Variants in SCAI observed in about 807,000 individuals in gnomAD.
The protein encoded by SCAI is suppressor of cancer cell invasion.
SCAI carries 24 observed loss-of-function variants against 92.2 expected under a neutral mutation model. That is an observed-to-expected ratio of 0.26 (90% confidence interval 0.19 to 0.37). SCAI has a LOEUF of 0.37. SCAI is among the 10% of genes least tolerant of loss of function. SCAI has a pLI of 1.00. For synonymous variants in SCAI, 261 were observed against 258.6 expected (o/e 1.01, Z -0.09); for missense variants, 450 against 736.2 (o/e 0.61, Z 4.50).
chr9:125,072,852 C>T (rs1324060257), intron 2 of SCAI, among the ~76,000 whole-genome samples: 2 of 152,162 alleles, frequency 1.3e-5, no homozygotes, highest in Non-Finnish European at 2.9e-5. Context: ...CATGGTGTAG[C>T]ATATATCAGT....
chr9:125,116,518 A>T (rs1477863979), intron 2 of SCAI, among the ~76,000 whole-genome samples: 1 of 152,158 alleles, frequency 6.6e-6, no homozygotes, highest in Non-Finnish European at 1.5e-5. Context: ...AACATGAAAC[A>T]GTCACTGAAT....
chr9:125,045,103 G>A (rs1010933204), intron 3 of SCAI, among the ~76,000 whole-genome samples: 4 of 152,178 alleles, frequency 2.6e-5, no homozygotes, highest in East Asian at 3.9e-4. Context: ...GCTGAGTAGC[G>A]GGAACAAGCC....
intron 15 of SCAI, 151 bp from the exon 16 acceptor site, chr9:124,971,995 C>A (rs1831670089): frequency 8.7e-6 from 4 of 460,618 alleles, no homozygotes; most frequent in Non-Finnish European, 1.4e-5. Context: ...CACGAAACTA[C>A]AAAAACTTTG....
intron 2 of SCAI, among the ~76,000 whole-genome samples, chr9:125,077,792 C>T (rs971530441): frequency 3.9e-5 from 6 of 152,158 alleles, no homozygotes; most frequent in Non-Finnish European, 8.8e-5. Flanking sequence ...AATCTTGGCT[C>T]ACTACAACCT....
At chr9:125,040,479 C>A (rs1833296738) in intron 3 of SCAI, among the ~76,000 whole-genome samples, 1 of 152,158 alleles carries the variant, frequency 6.6e-6, no homozygotes, top group South Asian at 2.1e-4. Context: ...TGCAACATGT[C>A]TATTTAAGAA....
At chr9:125,050,464 A>G (rs1282839759) in intron 3 of SCAI, among the ~76,000 whole-genome samples, 2 of 152,138 alleles carry the variant, frequency 1.3e-5, no homozygotes, top group Non-Finnish European at 2.9e-5. Flanking sequence ...AAGAATGCCA[A>G]TACACACCTC....
chr9:124,951,357 T>C lies in SCAI; in HGVS notation c.*1450A>G, dbSNP rs1017945573. The C allele has an allele frequency of 6.6e-6, 1 of 151,720 alleles. No individual in the cohort carries two copies. The highest frequency in any genetic ancestry group is 6.6e-5 in the Admixed American group (1 of 15,214). 9.4% of individuals were successfully genotyped at this position (151,720 alleles called of 1,614,324 possible). ...CCGTCTCTACTAAAAATACAAAAAT[T>C]AGCCAGGCATGGTGGCGGGCACCTG... is the stretch of plus-strand genomic sequence containing the variant. On this transcript the variant is annotated 3_prime_UTR_variant, in exon 18 of 18. Coordinates refer to ENST00000336505, the MANE Select transcript of SCAI (RefSeq NM_001144877.3).
chr9:125,082,777 T>C (rs1194822032), intron 2 of SCAI, among the ~76,000 whole-genome samples: 1 of 152,252 alleles, frequency 6.6e-6, no homozygotes, highest in Non-Finnish European at 1.5e-5. Flanking sequence ...CCCTTTGTTT[T>C]GGCCAATTTC....
intron 14 of SCAI, among the ~76,000 whole-genome samples, chr9:124,984,612 C>G (rs1048595451): frequency 6.6e-6 from 1 of 151,978 alleles, no homozygotes; most frequent in Non-Finnish European, 1.5e-5. Flanking sequence ...GGATTATGGC[C>G]GGGGCAACTA....
At chr9:124,977,150 T>C (rs1402622617) in intron 14 of SCAI, among the ~76,000 whole-genome samples, 1 of 152,222 alleles carries the variant, frequency 6.6e-6, no homozygotes, top group Admixed American at 6.5e-5. Flanking sequence ...ATTACAGGCA[T>C]GAGCCAGCAC....
chr9:125,081,267 G>A (rs1012398392), intron 2 of SCAI, among the ~76,000 whole-genome samples: 5 of 152,190 alleles, frequency 3.3e-5, no homozygotes, highest in African/African-American at 9.7e-5. Flanking sequence ...AAGAAGACAG[G>A]AAAATGTGGG....
intron 2 of SCAI, among the ~76,000 whole-genome samples, chr9:125,057,880 G>C (rs1156858550): frequency 6.6e-6 from 1 of 152,100 alleles, no homozygotes; most frequent in Admixed American, 6.6e-5. Context: ...GATCACTTGA[G>C]GCTAGGAGTT....
chr9:125,041,926 C>T (rs868373990), intron 3 of SCAI, among the ~76,000 whole-genome samples: 10 of 152,180 alleles, frequency 6.6e-5, no homozygotes, highest in African/African-American at 1.9e-4. Flanking sequence ...AGTTAATATA[C>T]GAACCACTAT....
At chr9:125,127,122 A>G (rs928913221) in intron 2 of SCAI, among the ~76,000 whole-genome samples, 4 of 152,204 alleles carry the variant, frequency 2.6e-5, no homozygotes, top group Admixed American at 1.3e-4. Context: ...ACGTCCTAGC[A>G]GTGCCCAAGT....
At chr9:125,063,751 T>C (rs565415068) in intron 2 of SCAI, among the ~76,000 whole-genome samples, 15 of 150,880 alleles carry the variant, frequency 9.9e-5, no homozygotes, top group African/African-American at 3.4e-4. Context: ...ATATCCCTTT[T>C]ATCTTTTTTT....
chr9:124,965,749 T>G (rs1000140920), intron 17 of SCAI, among the ~76,000 whole-genome samples: 1 of 152,226 alleles, frequency 6.6e-6, no homozygotes, highest in African/African-American at 2.4e-5. Flanking sequence ...CCTTGATCTA[T>G]GGTACATATC....
chr9:125,126,273 C>T (rs1221738533), intron 2 of SCAI, among the ~76,000 whole-genome samples: 1 of 152,208 alleles, frequency 6.6e-6, no homozygotes, highest in Non-Finnish European at 1.5e-5. Flanking sequence ...CTCACTTCCT[C>T]ACCACATGGC....
chr9:125,111,754 C>T (rs895975782), intron 2 of SCAI, among the ~76,000 whole-genome samples: 3 of 152,014 alleles, frequency 2.0e-5, no homozygotes, highest in African/African-American at 7.3e-5. Context: ...AAGGGAGGGC[C>T]TACAACTACC....
chr9:125,133,185 T>C (rs963046716), intron 2 of SCAI, among the ~76,000 whole-genome samples: 8 of 151,858 alleles, frequency 5.3e-5, no homozygotes, highest in African/African-American at 1.9e-4. Context: ...AGGTCAGGAG[T>C]TCGAGACCAG....
Sources: gnomAD v4.1 joint callset for allele counts (sites outside exome capture counted in the v4.1 genomes callset) on GRCh38, gnomAD v4.1.1 for gene constraint, MANE v1.5 for transcripts, NCBI Gene and HGNC (gene_info 2026-07-23, HGNC 2026-07-21) for gene names.